The following OTUD7A variants were observed in gnomAD, a reference collection of about 807,000 sequenced individuals.
OTUD7A encodes the protein OTU domain-containing protein 7A.
OTUD7A carries 12 observed loss-of-function variants against 65.7 expected under a neutral mutation model. The observed-to-expected ratio is 0.18, with a 90% CI of 0.12 to 0.30. The LOEUF (loss-of-function observed/expected upper bound fraction) is 0.30. OTUD7A is among the 10% of genes least tolerant of loss of function. The pLI is 1.00. For synonymous variants in OTUD7A, 641 were observed against 586.3 expected, an observed-to-expected ratio of 1.09 and a Z score of -1.35; for missense variants, 1,148 against 1,304.8, an observed-to-expected ratio of 0.88 and a Z score of 1.85.
intron 10 of OTUD7A, among the ~76,000 whole-genome samples, chr15:31,494,384 T>A (rs1055096492): frequency 6.6e-6 from 1 of 152,202 alleles, no homozygotes; most frequent in African/African-American, 2.4e-5. Flanking sequence ...GAGGACACCC[T>A]TACCAGACTC....
intron 5 of OTUD7A, among the ~76,000 whole-genome samples, chr15:31,534,344 A>G (rs1449428102): frequency 6.6e-6 from 1 of 152,300 alleles, no homozygotes; most frequent in South Asian, 2.1e-4. Context: ...AAAGCATTTG[A>G]CAAAATTCAA....
rs555193502 is a variant in OTUD7A, at chr15:31,530,200, C to CCA, written c.652+506_652+507insTG. On this transcript the variant is annotated intron_variant, in intron 6 of 12. Coordinates refer to ENST00000307050, the MANE Select transcript of OTUD7A (RefSeq NM_001382637.1). ...ATTAGTCCATGCCAACTGTTGACTG[C>CCA]TGTCAACATAGTGGACCCTCATTTA... Among the ~76,000 whole-genome samples the CCA allele has an allele frequency of 2.0e-4, 31 of 152,326 alleles. No individual in the cohort carries two copies. The South Asian group carries it at 3.5e-3, about 17-fold the overall frequency.
intron 1 of OTUD7A, among the ~76,000 whole-genome samples, chr15:31,819,259 A>G (rs1428710975): frequency 6.6e-6 from 1 of 152,198 alleles, no homozygotes; most frequent in Non-Finnish European, 1.5e-5. Flanking sequence ...TGTTGGATAA[A>G]TGGCTTAGGG....
At chr15:31,646,641 A>G (rs568699630) in intron 3 of OTUD7A, among the ~76,000 whole-genome samples, 29 of 151,988 alleles carry the variant, frequency 1.9e-4, no homozygotes, top group African/African-American at 6.0e-4. Flanking sequence ...TTGTATTTTT[A>G]GTAGAGACAG....
intron 3 of OTUD7A, among the ~76,000 whole-genome samples, chr15:31,576,314 C>T (rs190875500): frequency 2.0e-5 from 3 of 152,298 alleles, no homozygotes; most frequent in African/African-American, 7.2e-5. Flanking sequence ...TCACCTGAGA[C>T]AAATGCATAT....
At chr15:31,559,223 G>C in intron 4 of OTUD7A, 36 bp from the exon 5 acceptor site, 1 of 1,587,508 alleles carries the variant, frequency 6.3e-7, no homozygotes, top group Non-Finnish European at 8.6e-7. Context: ...CCCAAGGGCT[G>C]AGTGGGTGTA....
chr15:31,612,839 T>C (rs1271248184), intron 3 of OTUD7A, among the ~76,000 whole-genome samples: 1 of 152,074 alleles, frequency 6.6e-6, no homozygotes, highest in Non-Finnish European at 1.5e-5. Context: ...ATAGCCAAAG[T>C]AAGACTAAGC....
chr15:31,808,646 T>C (rs1422847097), intron 1 of OTUD7A, among the ~76,000 whole-genome samples: 1 of 152,256 alleles, frequency 6.6e-6, no homozygotes, highest in Non-Finnish European at 1.5e-5. Flanking sequence ...ACATCAGTTC[T>C]GCTTCATATT....
intron 1 of OTUD7A, among the ~76,000 whole-genome samples, chr15:31,759,179 C>A (rs1017892597): frequency 2.6e-5 from 4 of 152,168 alleles, no homozygotes; most frequent in African/African-American, 9.7e-5. Flanking sequence ...GCACTCCACG[C>A]TCTCTTGTAG....
At chr15:31,826,273 C>G (rs1361030503) in intron 1 of OTUD7A, among the ~76,000 whole-genome samples, 1 of 152,254 alleles carries the variant, frequency 6.6e-6, no homozygotes, top group African/African-American at 2.4e-5. Context: ...CTTTTGAAAT[C>G]TAGGTGGAGG....
At chr15:31,747,394 T>G (rs537656411) in intron 1 of OTUD7A, among the ~76,000 whole-genome samples, 1 of 152,096 alleles carries the variant, frequency 6.6e-6, no homozygotes, top group Non-Finnish European at 1.5e-5. Context: ...GAGCAAAGAC[T>G]GTAAAAGGAA....
intron 1 of OTUD7A, chr15:31,766,148 A>G: frequency 1.4e-6 from 2 of 1,462,024 alleles, no homozygotes; most frequent in Non-Finnish European, 1.9e-6. Flanking sequence ...TTTCCTGATC[A>G]TGATCCATTA....
chr15:31,676,384 C>T (rs2141300724), intron 1 of OTUD7A, among the ~76,000 whole-genome samples: 1 of 152,250 alleles, frequency 6.6e-6, no homozygotes, highest in East Asian at 1.9e-4. Context: ...TGAATCAAGA[C>T]AATTCTGACT....
chr15:31,737,712 A>C (rs1894229423), intron 1 of OTUD7A, among the ~76,000 whole-genome samples: 1 of 152,250 alleles, frequency 6.6e-6, no homozygotes, highest in Non-Finnish European at 1.5e-5. Context: ...AACTGGAGAA[A>C]GTCAGCATGC....
chr15:31,782,529 G>A (rs1357670715), intron 1 of OTUD7A, among the ~76,000 whole-genome samples: 1 of 152,180 alleles, frequency 6.6e-6, no homozygotes, highest in African/African-American at 2.4e-5. Context: ...GGCCCTGAGG[G>A]GTAGTGAGCA....
chr15:31,619,744 T>C lies in OTUD7A; in HGVS notation c.151+35352A>G, dbSNP rs575105273. ...ACAATTTGACTTCCTCTTTTCCTAA[T>C]TGAATACCCTTTATTTCTTTCTCCT... On this transcript the variant is annotated intron_variant, in intron 3 of 12. Coordinates refer to ENST00000307050, the MANE Select transcript of OTUD7A (RefSeq NM_001382637.1). 2.6e-4 allele frequency among the ~76,000 whole-genome samples: 36 copies of C among 139,622 alleles called. No homozygotes were observed. In the South Asian group the frequency reaches 7.1e-3, roughly 27 times the overall value. 91.6% of individuals were successfully genotyped at this position (139,622 alleles called of 152,430 possible).
rs2041180744 is a variant in OTUD7A at position 31,483,836 on chromosome 15, C to T, written c.2260G>A (p.Gly754Arg). ...AAAGGTASPG[G>R]GARRASASGP... ...CTGGCGCTCGCACGCCGCGCGCCTCCCCCCGGGGAGGCCGTGCCGCCCGCC... is the reference window on the plus strand; with the variant it reads ...CTGGCGCTCGCACGCCGCGCGCCTCTCCCCGGGGAGGCCGTGCCGCCCGCC... Residue 754 changes from glycine (G) to arginine (R), a missense_variant, in exon 13 of 13, where the codon GGA (glycine) becomes AGA (arginine). Physicochemically the swap from Gly to Arg is moderately radical, Grantham distance 125. Around this residue, in one of 6 missense-constraint regions of OTUD7A, gnomAD observed 842 missense variants for 769.5 expected, o/e 1.09. Coordinates refer to ENST00000307050, the MANE Select transcript of OTUD7A (RefSeq NM_001382637.1). The T allele has an allele frequency of 1.0e-6, 1 of 986,300 alleles. No individual in the cohort carries two copies. The highest frequency in any genetic ancestry group is 1.2e-6 in the Non-Finnish European group (1 of 831,872). 61.1% of individuals were successfully genotyped at this position (986,300 alleles called of 1,614,324 possible).
chr15:31,631,308 T>G (rs1173316146), intron 3 of OTUD7A, among the ~76,000 whole-genome samples: 20 of 152,334 alleles, frequency 1.3e-4, no homozygotes, highest in Non-Finnish European at 2.4e-4. Context: ...TCTCAGCATT[T>G]GCTTGTCTGT....
At chr15:31,582,843 T>C (rs1889413264) in intron 3 of OTUD7A, among the ~76,000 whole-genome samples, 1 of 151,994 alleles carries the variant, frequency 6.6e-6, no homozygotes, top group Admixed American at 6.5e-5. Flanking sequence ...GGAGAGGTAA[T>C]GAGGGCAGAA....
Sources: allele counts gnomAD v4.1 joint callset (sites outside exome capture counted in the v4.1 genomes callset), GRCh38; gene constraint gnomAD v4.1.1; regional missense constraint gnomAD v4.1.1; transcripts MANE v1.5; gene names NCBI Gene and HGNC (gene_info 2026-07-23, HGNC 2026-07-21).